The following PDE4D variants were observed in gnomAD, a reference collection of about 807,000 sequenced individuals.
The protein encoded by PDE4D is 3',5'-cyclic-AMP phosphodiesterase 4D.
A neutral mutation model predicts 87.4 loss-of-function variants in PDE4D; 24 were observed. The ratio of observed to expected loss-of-function variants is 0.27; its 90% CI spans 0.20 to 0.39. PDE4D has a LOEUF of 0.39. Ranked by LOEUF, PDE4D falls within the 10% of genes least tolerant of loss-of-function variation. PDE4D has a pLI of 1.00. For synonymous variants in PDE4D, 384 were observed against 383.2 expected (o/e 1.00, Z -0.02); for missense variants, 714 against 1,041.0 (o/e 0.69, Z 4.32).
At chr5:60,445,698 T>C (rs926016348) in intron 1 of PDE4D, among the ~76,000 whole-genome samples, 2 of 152,144 alleles carry the variant, frequency 1.3e-5, no homozygotes, top group Non-Finnish European at 2.9e-5. Context: ...TTATGTAAAA[T>C]GATTAAGTCC....
intron 1 of PDE4D, among the ~76,000 whole-genome samples, chr5:60,326,765 T>C (rs2149855699): frequency 6.6e-6 from 1 of 152,276 alleles, no homozygotes; most frequent in African/African-American, 2.4e-5. Context: ...GATATTATAT[T>C]GTTTTACCAT....
chr5:60,038,763 A>G (rs1220942970), intron 2 of PDE4D, among the ~76,000 whole-genome samples: 14 of 151,930 alleles, frequency 9.2e-5, no homozygotes, highest in Admixed American at 4.6e-4. Flanking sequence ...AACCCCATCA[A>G]AAAGTGAGTG....
chr5:59,372,817 G>A (rs1027861318), intron 1 of PDE4D, among the ~76,000 whole-genome samples: 2 of 152,154 alleles, frequency 1.3e-5, no homozygotes, highest in Non-Finnish European at 2.9e-5. Flanking sequence ...AGCACCCCTA[G>A]CTGAGTGGAT....
intron 1 of PDE4D, among the ~76,000 whole-genome samples, chr5:59,290,083 G>A (rs764642635): frequency 9.2e-5 from 14 of 151,848 alleles, no homozygotes; most frequent in Admixed American, 3.3e-4. Flanking sequence ...TTGTTAAAAC[G>A]TTCATACTAC....
Position 59,564,773 on chromosome 5 carries a change from G to C in PDE4D, c.455+328395C>G, listed in dbSNP as rs190119749. On this transcript the variant is annotated intron_variant, in intron 1 of 14. Transcript: ENST00000340635. Reference sequence around the variant, plus strand: ...CCCCAGGAAACTCCCATTTGTGTGAGTGAGAAAGGCAAGAAAACAGCATGC... The same window carrying C: ...CCCCAGGAAACTCCCATTTGTGTGACTGAGAAAGGCAAGAAAACAGCATGC... Among the ~76,000 whole-genome samples the C allele has an allele frequency of 2.6e-3, 395 of 152,322 alleles. 2 individuals carry two copies. The highest frequency in any genetic ancestry group is 4.5e-3 in the Admixed American group (69 of 15,290).
chr5:60,093,656 G>A (rs1775369389), intron 2 of PDE4D, among the ~76,000 whole-genome samples: 1 of 152,098 alleles, frequency 6.6e-6, no homozygotes, highest in Non-Finnish European at 1.5e-5. Context: ...TAAATTTCAG[G>A]AGTAACTTTA....
intron 11 of PDE4D, among the ~76,000 whole-genome samples, chr5:58,984,511 A>C (rs1745964061): frequency 6.6e-6 from 1 of 152,246 alleles, no homozygotes; most frequent in African/African-American, 2.4e-5. Context: ...ATAAACATGA[A>C]TTTATCCTTA....
chr5:60,313,334 T>G (rs1313119521), intron 1 of PDE4D, among the ~76,000 whole-genome samples: 1 of 152,002 alleles, frequency 6.6e-6, no homozygotes, highest in Non-Finnish European at 1.5e-5. Context: ...AACCTAGAAT[T>G]TTTCAGGGTA....
At chr5:59,751,950 T>C (rs1760544979) in intron 1 of PDE4D, among the ~76,000 whole-genome samples, 1 of 152,158 alleles carries the variant, frequency 6.6e-6, no homozygotes, top group Non-Finnish European at 1.5e-5. Context: ...TCTAAGACAA[T>C]GCTCAGTAGG....
rs1156467369 is a variant in PDE4D at position 59,649,905 on chromosome 5, C to CTTTTTTTTTTTTTTTTTTTTTTTTTTT, written c.455+243236_455+243262dup. On this transcript the variant is annotated intron_variant, in intron 1 of 14. Coordinates refer to ENST00000340635, the MANE Select transcript of PDE4D (RefSeq NM_001104631.2). ...GTTAAAATGTTGATAGTTTGTGAACCTTTTTTTTTTTTTTTTTTTTTTTTT... is the reference window on the plus strand; with the variant it reads ...GTTAAAATGTTGATAGTTTGTGAACCTTTTTTTTTTTTTTTTTTTTTTTTTTTTTTTTTTTTTTTTTTTTTTTTTTTT... Among the ~76,000 whole-genome samples the CTTTTTTTTTTTTTTTTTTTTTTTTTTT allele has an allele frequency of 1.1e-3, 80 of 72,440 alleles. 12 individuals are homozygous for CTTTTTTTTTTTTTTTTTTTTTTTTTTT. Among genetic ancestry groups the CTTTTTTTTTTTTTTTTTTTTTTTTTTT allele is most frequent in the South Asian group, 3.3e-3 (6 of 1,806 alleles). 47.5% of individuals were successfully genotyped at this position (72,440 alleles called of 152,430 possible).
At chr5:59,538,855 C>T (rs1257377737) in intron 1 of PDE4D, among the ~76,000 whole-genome samples, 1 of 152,156 alleles carries the variant, frequency 6.6e-6, no homozygotes, top group Non-Finnish European at 1.5e-5. Context: ...CCACCATATG[C>T]ACATTCAGTA....
intron 2 of PDE4D, among the ~76,000 whole-genome samples, chr5:60,042,848 G>A (rs1449673182): frequency 6.6e-6 from 1 of 152,174 alleles, no homozygotes; most frequent in Non-Finnish European, 1.5e-5. Flanking sequence ...GGAGGAACCA[G>A]TGCAAAAAGT....
chr5:59,675,677 A>G (rs1747944048), intron 1 of PDE4D, among the ~76,000 whole-genome samples: 1 of 151,968 alleles, frequency 6.6e-6, no homozygotes, highest in Non-Finnish European at 1.5e-5. Flanking sequence ...TAATTTTGAA[A>G]TGTGTTGGTG....
intron 1 of PDE4D, among the ~76,000 whole-genome samples, chr5:60,513,934 A>G (rs1750682642): frequency 6.6e-6 from 1 of 150,866 alleles, no homozygotes; most frequent in Admixed American, 6.6e-5. Context: ...TTATAATTAT[A>G]TAAGAACAGC....
At chr5:59,622,620 G>A (rs933867860) in intron 1 of PDE4D, among the ~76,000 whole-genome samples, 5 of 151,990 alleles carry the variant, frequency 3.3e-5, no homozygotes, top group Admixed American at 6.6e-5. Flanking sequence ...ATTTTTCTCC[G>A]ACATTTGTCT....
At chr5:59,915,344 AG>A (rs1283160668) in intron 3 of PDE4D, among the ~76,000 whole-genome samples, 1 of 152,220 alleles carries the variant, frequency 6.6e-6, no homozygotes, top group Non-Finnish European at 1.5e-5. Flanking sequence ...GAAGAAGAAT[AG>A]AAATGGTCCC....
At chr5:59,334,320 A>T (rs189607861) in intron 1 of PDE4D, among the ~76,000 whole-genome samples, 7 of 135,862 alleles carry the variant, frequency 5.2e-5, no homozygotes, top group African/African-American at 2.0e-4. Flanking sequence ...GTGCAATGGC[A>T]TGATCTTGGC....
At chr5:60,127,429 T>A (rs915623551) in intron 2 of PDE4D, among the ~76,000 whole-genome samples, 44 of 152,166 alleles carry the variant, frequency 2.9e-4, no homozygotes, top group African/African-American at 1.0e-3. Context: ...CAAGAGCAGA[T>A]GCCAGGAAAT....
intron 1 of PDE4D, among the ~76,000 whole-genome samples, chr5:60,461,826 T>C (rs536859135): frequency 6.6e-6 from 1 of 152,346 alleles, no homozygotes; most frequent in East Asian, 1.9e-4. Context: ...TTACCTTAAA[T>C]ATATGACATT....
Sources: gnomAD v4.1 joint callset for allele counts (sites outside exome capture counted in the v4.1 genomes callset) on GRCh38, gnomAD v4.1.1 for gene constraint, MANE v1.5 for transcripts, NCBI Gene and HGNC (gene_info 2026-07-23, HGNC 2026-07-21) for gene names.